The following SLIT1 variants were observed in gnomAD, a reference collection of about 807,000 sequenced individuals.
SLIT1 encodes slit homolog 1 protein.
In SLIT1, 66 loss-of-function variants were observed where a neutral mutation model predicts 186.1. The ratio of observed to expected loss-of-function variants is 0.35; its 90% CI spans 0.29 to 0.44. SLIT1 has a LOEUF of 0.44. Ranked by LOEUF, SLIT1 falls within the 20% of genes least tolerant of loss-of-function variation. SLIT1 has a pLI of 1.00. For missense variants in SLIT1, 1,638 were observed against 2,037.4 expected, an observed-to-expected ratio of 0.80 and a Z score of 3.77; for synonymous variants, 761 against 833.8, an observed-to-expected ratio of 0.91 and a Z score of 1.50.
rs1266808019 is a variant in SLIT1, at chr10:97,002,948, T to A, written c.3910A>T (p.Ile1304Phe). ...CCGTGGAAGCCGGTGCCGTTGAGGA[T>A]CTGCCACAGGCGGAAGGCAGCTGAG... is the stretch of plus-strand genomic sequence containing the variant. Reference protein sequence around the residue: ...VNSAAFRLWQILNGTGFHGCI... With the variant: ...VNSAAFRLWQFLNGTGFHGCI... Residue 1304 changes from isoleucine (I) to phenylalanine (F), a missense_variant, in exon 35 of 37, where the codon ATC (isoleucine) becomes TTC (phenylalanine). Physicochemically the swap from Ile to Phe is conservative, Grantham distance 21. This residue lies in a region of SLIT1 where 173 missense variants were observed against 290.9 expected (regional missense o/e 0.59). Coordinates refer to ENST00000266058, the MANE Select transcript of SLIT1 (RefSeq NM_003061.3). 6.2e-7 allele frequency: 1 copy of A among 1,614,178 alleles called. No homozygotes were observed. The highest frequency in any genetic ancestry group is 8.5e-7 in the Non-Finnish European group (1 of 1,180,014).
At position 97,049,520 on chromosome 10, in the gene SLIT1, G is replaced by C. The variant is rs116316333; in HGVS notation, c.1302-402C>G. On this transcript the variant is annotated intron_variant, in intron 13 of 36. Coordinates refer to ENST00000266058, the MANE Select transcript of SLIT1 (RefSeq NM_003061.3). Reference sequence around the variant, plus strand: ...ACAGGCAAGGAAGCCAAAGCCCAGAGAGGGTAACAAAACCCAGGACTGCAG... The same window carrying C: ...ACAGGCAAGGAAGCCAAAGCCCAGACAGGGTAACAAAACCCAGGACTGCAG... 2.1e-3 allele frequency among the ~76,000 whole-genome samples: 327 copies of C among 152,326 alleles called. 2 individuals carry two copies. The highest frequency in any genetic ancestry group is 7.7e-3 in the African/African-American group (321 of 41,574).
At chr10:97,045,980 A>G (rs1409243836) in intron 18 of SLIT1, among the ~76,000 whole-genome samples, 1 of 152,252 alleles carries the variant, frequency 6.6e-6, no homozygotes, top group East Asian at 1.9e-4. Context: ...AGCACTAGCC[A>G]CATTTCAACT....
chr10:97,065,938 T>C, intron 5 of SLIT1, 77 bp downstream of exon 5: 1 of 1,130,612 alleles, frequency 8.8e-7, no homozygotes, highest in Non-Finnish European at 1.3e-6. Context: ...CACGGCTCGC[T>C]CAGGGATACC....
chr10:97,129,281 A>T (rs1317101787), intron 4 of SLIT1, among the ~76,000 whole-genome samples: 1 of 152,004 alleles, frequency 6.6e-6, no homozygotes, highest in African/African-American at 2.4e-5. Context: ...GTGTGCCTGT[A>T]ATCCCAGCTA....
chr10:97,014,173 G>A lies in SLIT1; in HGVS notation c.2970-15C>T. The A allele has an allele frequency of 6.2e-7, 1 of 1,612,540 alleles. No homozygotes were observed. The highest frequency in any genetic ancestry group is 2.2e-5 in the East Asian group (1 of 44,876). On this transcript the variant is annotated splice_polypyrimidine_tract_variant and intron_variant, in intron 28 of 36. Transcript: ENST00000266058. ...GACAGGAGCACCTGTGCGGGGAAGG[G>A]GAGGATGGAGAGACAGCCCTCTTGG...
At chr10:97,081,217 G>C (rs975459759) in intron 4 of SLIT1, among the ~76,000 whole-genome samples, 2 of 152,214 alleles carry the variant, frequency 1.3e-5, no homozygotes, top group Non-Finnish European at 2.9e-5. Flanking sequence ...ACAGGGCTGG[G>C]CAAGTATAAC....
intron 25 of SLIT1, among the ~76,000 whole-genome samples, chr10:97,029,957 C>T (rs762783366): frequency 6.6e-6 from 1 of 152,220 alleles, no homozygotes; most frequent in Non-Finnish European, 1.5e-5. Context: ...TAGCACGCAT[C>T]GGAACTTCAT....
rs373331166 is a variant in SLIT1, at chr10:97,179,145, C to G, written c.197+6333G>C. Among the ~76,000 whole-genome samples the G allele has an allele frequency of 3.9e-5, 6 of 152,324 alleles. No individual in the cohort carries two copies. The East Asian group carries it at 9.7e-4, about 25-fold the overall frequency. On this transcript the variant is annotated intron_variant, in intron 1 of 36. Coordinates refer to ENST00000266058, the MANE Select transcript of SLIT1 (RefSeq NM_003061.3). ...TCAATCCCTCCTCCCCATCTCACTC[C>G]CATCTAGCGACTCTCATCAGCCTCA...
intron 26 of SLIT1, among the ~76,000 whole-genome samples, chr10:97,020,715 CTG>C (rs1481831372): frequency 6.6e-6 from 1 of 152,286 alleles, no homozygotes; most frequent in Non-Finnish European, 1.5e-5. Context: ...AGCCACCTGT[CTG>C]TGCTCAGCAG....
intron 4 of SLIT1, among the ~76,000 whole-genome samples, chr10:97,066,673 A>C (rs1347164201): frequency 6.6e-6 from 1 of 152,166 alleles, no homozygotes; most frequent in Non-Finnish European, 1.5e-5. Flanking sequence ...AAGCTCCCTG[A>C]GGCCTCCCCA....
chr10:97,047,865 G>A, intron 15 of SLIT1, 31 bp from the exon 16 acceptor site: 2 of 1,613,414 alleles, frequency 1.2e-6, no homozygotes, highest in Non-Finnish European at 1.7e-6. Flanking sequence ...CAGAGGCTGA[G>A]GAGCCCGGGG....
Position 97,004,765 on chromosome 10 carries a change from G to C in SLIT1, c.3638C>G (p.Ala1213Gly). 6.2e-7 allele frequency: 1 copy of C among 1,614,110 alleles called. No individual in the cohort carries two copies. The highest frequency in any genetic ancestry group is 8.5e-7 in the Non-Finnish European group (1 of 1,179,974). The change falls in exon 33 of 37, where the codon GCA becomes GGA. Residue 1213 changes from alanine to glycine, a missense_variant. Ala to Gly is a moderately conservative substitution (Grantham distance 60, BLOSUM62 0). Coordinates refer to ENST00000266058, the MANE Select transcript of SLIT1 (RefSeq NM_003061.3). This position sits in a 1 kb window ranked among gnomAD's most constrained non-coding sequence, Gnocchi z 5.1. ...LLYNGDNDHI[A>G]VELYQGHVRV... ...CACATGGCCCTGGTACAGCTCAACT[G>C]CAATGTGGTCGTTGTCCCCGTTGTA...
chr10:97,048,187 G>A (rs1216688360), intron 14 of SLIT1, among the ~76,000 whole-genome samples, 191 bp from the exon 15 acceptor site: 3 of 152,230 alleles, frequency 2.0e-5, no homozygotes, highest in African/African-American at 7.2e-5. Flanking sequence ...CACTGGGGGT[G>A]TCGCATCCAG....
chr10:97,108,886 C>CAAAA (rs11355026), intron 4 of SLIT1, among the ~76,000 whole-genome samples: 11 of 46,772 alleles, frequency 2.4e-4, no homozygotes, highest in African/African-American at 4.6e-4. Flanking sequence ...GTCTCAGTCT[C>CAAAA]AAAAAAAAAA....
rs12268043 is a variant in SLIT1, at chr10:97,159,897, G to A, written c.342-2008C>T. On this transcript the variant is annotated intron_variant, in intron 3 of 36. Coordinates refer to ENST00000266058, the MANE Select transcript of SLIT1 (RefSeq NM_003061.3). ...GCACCACGTGGCTTGGCTCTTCATA[G>A]GTGCCCAAGATAGGTTTGCTGACTT... 7.6e-3 allele frequency among the ~76,000 whole-genome samples: 1,159 copies of A among 152,270 alleles called. 7 individuals are homozygous for A. Among genetic ancestry groups the A allele is most frequent in the African/African-American group, 0.024 (1,000 of 41,538 alleles).
Position 97,022,432 on chromosome 10 carries a change from A to T in SLIT1, c.2583-1019T>A, listed in dbSNP as rs968747285. The stretch of plus-strand genomic sequence containing the variant: ...AATGCCACCGAGTTGCACACTTTTT[A>T]AAAAATGCTTAATTTGGTATTATGT... On this transcript the variant is annotated intron_variant, in intron 25 of 36. Transcript: ENST00000266058. This position sits in a 1 kb window ranked among gnomAD's most constrained non-coding sequence, Gnocchi z 4.2. 6.6e-6 allele frequency among the ~76,000 whole-genome samples: 1 copy of T among 152,252 alleles called. No homozygotes were observed. The highest frequency in any genetic ancestry group is 2.4e-5 in the African/African-American group (1 of 41,476).
intron 1 of SLIT1, among the ~76,000 whole-genome samples, chr10:97,178,031 C>A (rs1053151053): frequency 1.5e-4 from 23 of 152,072 alleles, no homozygotes; most frequent in African/African-American, 5.6e-4. Flanking sequence ...AGGGAAAGTT[C>A]TTTCTTAGAG....
chr10:97,112,941 A>G (rs1374029695), intron 4 of SLIT1, among the ~76,000 whole-genome samples: 3 of 152,032 alleles, frequency 2.0e-5, no homozygotes. Context: ...CAATCCTCCC[A>G]CCTCGGCCTT....
At chr10:97,174,089 G>T (rs1263362886) in intron 1 of SLIT1, among the ~76,000 whole-genome samples, 1 of 152,132 alleles carries the variant, frequency 6.6e-6, no homozygotes, top group African/African-American at 2.4e-5. Context: ...CAGGCTTCAG[G>T]CCTCCAGTCA....
Sources: gnomAD v4.1 joint callset for allele counts (sites outside exome capture counted in the v4.1 genomes callset) on GRCh38, gnomAD v4.1.1 for gene constraint, gnomAD v4.1.1 regional missense constraint, Gnocchi (gnomAD v3.1) non-coding constraint, MANE v1.5 for transcripts, NCBI Gene and HGNC (gene_info 2026-07-23, HGNC 2026-07-21) for gene names.